STPG2: variants seen among roughly 807,000 people sequenced by gnomAD.
STPG2 encodes sperm tail PG-rich repeat containing 2, also known as sperm-tail PG-rich repeat-containing protein 2.
A neutral mutation model predicts 54.2 loss-of-function variants in STPG2; 56 were observed. The ratio of observed to expected loss-of-function variants is 1.03; its 90% confidence interval spans 0.83 to 1.29. STPG2 has a LOEUF of 1.29. STPG2 is among the 50% of genes most tolerant of loss of function. The pLI, the probability that STPG2 is intolerant of heterozygous loss-of-function variation, is 0.00. For missense variants in STPG2, 596 were observed against 544.9 expected, an observed-to-expected ratio of 1.09 and a Z score of -0.93; for synonymous variants, 200 against 181.8, an observed-to-expected ratio of 1.10 and a Z score of -0.81.
At chr4:97,613,210 G>C (rs765508946) in intron 10 of STPG2, among the ~76,000 whole-genome samples, 1 of 152,060 alleles carries the variant, frequency 6.6e-6, no homozygotes, top group South Asian at 2.1e-4. Context: ...AGTTAGTCAA[G>C]TTTCTTTAGT....
At position 97,866,324 on chromosome 4, in the gene STPG2, A is replaced by T. The variant is rs997819496; in HGVS notation, c.1045-25392T>A. 3.3e-5 allele frequency among the ~76,000 whole-genome samples: 5 copies of T among 152,156 alleles called. No individual in the cohort carries two copies. The South Asian group carries it at 1.0e-3, about 32-fold the overall frequency. On this transcript the variant is annotated intron_variant, in intron 8 of 10. Coordinates refer to ENST00000295268, the MANE Select transcript of STPG2 (RefSeq NM_174952.3). ...CCTCACTTACTAGGATTTGATTATTATGCACTGTATGCCTGTATCAAAGTA... is the reference window on the plus strand; with the variant it reads ...CCTCACTTACTAGGATTTGATTATTTTGCACTGTATGCCTGTATCAAAGTA...
At chr4:97,885,387 C>T (rs978555556) in intron 8 of STPG2, among the ~76,000 whole-genome samples, 8 of 152,262 alleles carry the variant, frequency 5.3e-5, no homozygotes, top group African/African-American at 1.9e-4. Context: ...ATTTTACTTC[C>T]ACTTTCTAAA....
intron 9 of STPG2, among the ~76,000 whole-genome samples, chr4:97,787,571 T>C (rs1424715058): frequency 6.6e-6 from 1 of 152,044 alleles, no homozygotes; most frequent in Non-Finnish European, 1.5e-5. Flanking sequence ...AGATACTAAT[T>C]TGTAGTTTTC....
intron 8 of STPG2, among the ~76,000 whole-genome samples, chr4:97,918,153 T>C (rs1307819812): frequency 6.6e-6 from 1 of 151,372 alleles, no homozygotes; most frequent in Non-Finnish European, 1.5e-5. Context: ...AAAAGACTTA[T>C]TAGACTGAGA....
chr4:97,836,840 ATATT>A (rs1728649686), intron 9 of STPG2, among the ~76,000 whole-genome samples: 1 of 149,492 alleles, frequency 6.7e-6, no homozygotes, highest in Admixed American at 6.7e-5. Context: ...AATATTAACA[ATATT>A]TAATTAATAA....
intron 9 of STPG2, among the ~76,000 whole-genome samples, chr4:97,821,999 T>C (rs1728106177): frequency 6.6e-6 from 1 of 152,234 alleles, no homozygotes; most frequent in South Asian, 2.1e-4. Context: ...GGTTGCTCCA[T>C]AGCCCCTCTG....
At chr4:97,861,914 T>A (rs1729560020) in intron 8 of STPG2, among the ~76,000 whole-genome samples, 1 of 152,028 alleles carries the variant, frequency 6.6e-6, no homozygotes, top group Non-Finnish European at 1.5e-5. Context: ...AAAGAGCTCC[T>A]GAAGGAAGCA....
chr4:98,006,661 A>T (rs1735583527), intron 5 of STPG2, among the ~76,000 whole-genome samples: 1 of 152,184 alleles, frequency 6.6e-6, no homozygotes, highest in Admixed American at 6.5e-5. Flanking sequence ...GGACTCTACC[A>T]CTTCACAGGA....
downstream of STPG2, among the ~76,000 whole-genome samples, chr4:97,554,790 G>A (rs1407912222): frequency 6.6e-6 from 1 of 152,142 alleles, no homozygotes; most frequent in Admixed American, 6.6e-5. Flanking sequence ...TTGAATAGGT[G>A]TGGTTGCAAA....
chr4:97,740,914 T>A (rs548666851), intron 9 of STPG2, among the ~76,000 whole-genome samples: 49 of 152,236 alleles, frequency 3.2e-4, no homozygotes, highest in Middle Eastern at 3.4e-3. Flanking sequence ...AAGTCAATCT[T>A]AAGGCAAAAG....
At chr4:97,469,556 T>C (rs1346579298) in intron 4 of STPG2, among the ~76,000 whole-genome samples, 2 of 152,038 alleles carry the variant, frequency 1.3e-5, no homozygotes, top group Non-Finnish European at 2.9e-5. Flanking sequence ...GGTTCAGTTC[T>C]GGACATTCTG....
Position 97,454,550 on chromosome 4 carries a change from A to G in STPG2, c.462+258149T>C, listed in dbSNP as rs958040021. On this transcript the variant is annotated intron_variant, in intron 4 of 4. Transcript: ENST00000522676. The stretch of plus-strand genomic sequence containing the variant: ...AAAAAAAAAAAAAAAAAAAAAAAAA[A>G]AAAAAAAGAAAAGGGATTCAAAAGT... Among the ~76,000 whole-genome samples the G allele has an allele frequency of 4.4e-3, 625 of 142,580 alleles. 15 individuals are homozygous for G. The highest frequency in any genetic ancestry group is 0.041 in the Admixed American group (564 of 13,750). 93.5% of individuals were successfully genotyped at this position (142,580 alleles called of 152,430 possible).
intron 8 of STPG2, among the ~76,000 whole-genome samples, chr4:97,874,331 A>T (rs946788574): frequency 6.6e-6 from 1 of 151,544 alleles, no homozygotes; most frequent in Non-Finnish European, 1.5e-5. Context: ...AATTTCTCTT[A>T]TCTCCCAAGT....
intron 7 of STPG2, among the ~76,000 whole-genome samples, chr4:97,968,347 T>C (rs1379364724): frequency 6.6e-6 from 1 of 152,172 alleles, no homozygotes; most frequent in Admixed American, 6.6e-5. Context: ...ACAGCCGAAT[T>C]CTACCAGAGG....
intron 9 of STPG2, among the ~76,000 whole-genome samples, chr4:97,818,140 C>T (rs924224928): frequency 6.6e-6 from 1 of 151,726 alleles, no homozygotes. Context: ...TTATAAATCA[C>T]TCCATTATGC....
At chr4:97,901,720 T>G (rs1470126743) in intron 8 of STPG2, among the ~76,000 whole-genome samples, 2 of 151,856 alleles carry the variant, frequency 1.3e-5, no homozygotes, top group Non-Finnish European at 2.9e-5. Flanking sequence ...TGTAAAGAAT[T>G]AATACTGTCA....
rs138185202 is a variant in STPG2, at chr4:97,552,966, C to G, written c.462+159733G>C. Among the ~76,000 whole-genome samples the G allele has an allele frequency of 7.1e-3, 1,079 of 152,264 alleles. 7 individuals carry two copies. Among genetic ancestry groups the G allele is most frequent in the Middle Eastern group, 0.031 (9 of 294 alleles). ...TCAAACCAGATTGGTAGTCTTAACA[C>G]TTAATCACTTTCTATTAGAGTAATA... On this transcript the variant is annotated intron_variant, in intron 4 of 4. Transcript: ENST00000522676.
chr4:97,939,116 T>C (rs1167866090), intron 8 of STPG2, among the ~76,000 whole-genome samples: 2 of 152,164 alleles, frequency 1.3e-5, no homozygotes, highest in Non-Finnish European at 2.9e-5. Context: ...AATTGCATGA[T>C]TTTGAGTGAT....
At chr4:98,025,484 A>G in intron 5 of STPG2, 1 of 549,740 alleles carries the variant, frequency 1.8e-6, no homozygotes, top group Non-Finnish European at 3.4e-6. Flanking sequence ...CCATGCTTGG[A>G]AACACTTAGT....
Sources: gnomAD v4.1 joint callset for allele counts (sites outside exome capture counted in the v4.1 genomes callset) on GRCh38, gnomAD v4.1.1 for gene constraint, MANE v1.5 for transcripts, NCBI Gene and HGNC (gene_info 2026-07-23, HGNC 2026-07-21) for gene names.